SLC22A2: variants seen among roughly 807,000 people sequenced by gnomAD.
SLC22A2 encodes solute carrier family 22 member 2, also known as organic cation transporter 2.
A neutral mutation model predicts 60.5 loss-of-function variants in SLC22A2; 46 were observed. That is an observed-to-expected ratio of 0.76 (90% CI 0.60 to 0.97). The LOEUF (loss-of-function observed/expected upper bound fraction) is 0.97, where lower values mean the gene tolerates loss of function less well. Among genes scored for constraint, SLC22A2 ranks in the 50% least tolerant of loss-of-function variants. SLC22A2 has a pLI of 0.00. For synonymous variants in SLC22A2, 303 were observed against 267.0 expected (o/e 1.13, Z -1.31); for missense variants, 701 against 706.6 (o/e 0.99, Z 0.09).
At chr6:160,228,833 A>G (rs894590664) in intron 9 of SLC22A2, among the ~76,000 whole-genome samples, 2 of 151,540 alleles carry the variant, frequency 1.3e-5, no homozygotes, top group African/African-American at 2.4e-5. Context: ...AAGCTCCCCC[A>G]CTGAGCACCT....
In SLC22A2 at chr6:160,258,537, G is replaced by A. The variant is rs769783921; in HGVS notation, c.221C>T (p.Thr74Met). The change falls in exon 1 of 11, where the codon ACG becomes ATG. Residue 74 changes from threonine to methionine, a missense_variant. Transcript: ENST00000366953. ...GCCCGCAGGTCCTGGGCCCGGCACC[G>A]TGTAGTTCAGTTCCTCTGCAGGACT... ...GWSPAEELNY[T>M]VPGPGPAGEA... The A allele has an allele frequency of 7.4e-6, 12 of 1,613,980 alleles. 1 individual carries two copies. The highest frequency in any genetic ancestry group is 6.6e-5 in the South Asian group (6 of 91,064).
intron 10 of SLC22A2, among the ~76,000 whole-genome samples, chr6:160,224,396 T>C (rs1782690798): frequency 6.6e-6 from 1 of 152,150 alleles, no homozygotes; most frequent in Admixed American, 6.5e-5. Flanking sequence ...TATTTTTAGC[T>C]TATAGTAGTT....
intron 9 of SLC22A2, among the ~76,000 whole-genome samples, chr6:160,228,128 T>C (rs955997879): frequency 9.9e-5 from 15 of 152,212 alleles, no homozygotes; most frequent in Admixed American, 2.0e-4. Context: ...TTCACATTAT[T>C]CTATGGATTT....
intron 8 of SLC22A2, 36 bp downstream of exon 8, chr6:160,242,258 C>A: frequency 9.0e-7 from 1 of 1,108,380 alleles, no homozygotes; most frequent in Non-Finnish European, 1.4e-6. Context: ...ACAAATGTCT[C>A]ACCCACCCTC....
chr6:160,226,022 A>T (rs748977816), intron 9 of SLC22A2, among the ~76,000 whole-genome samples: 4 of 152,190 alleles, frequency 2.6e-5, no homozygotes, highest in Non-Finnish European at 5.9e-5. Context: ...ACAACATAAG[A>T]AATTATGGTT....
At chr6:160,223,386 A>G (rs564131907) in intron 10 of SLC22A2, among the ~76,000 whole-genome samples, 2 of 152,316 alleles carry the variant, frequency 1.3e-5, no homozygotes, top group East Asian at 3.9e-4. Flanking sequence ...CAGAGCTACA[A>G]GTATTTATAT....
chr6:160,256,010 C>T (rs1462095714), intron 2 of SLC22A2, among the ~76,000 whole-genome samples: 4 of 152,134 alleles, frequency 2.6e-5, no homozygotes, highest in African/African-American at 4.8e-5. Flanking sequence ...AGAGGCCTCT[C>T]GTCATCTCTC....
At chr6:160,229,605 C>A (rs556028077) in intron 9 of SLC22A2, among the ~76,000 whole-genome samples, 16 of 151,698 alleles carry the variant, frequency 1.1e-4, no homozygotes, top group African/African-American at 3.2e-4. Flanking sequence ...TCCTGGGGGG[C>A]AAGCACCTCC....
chr6:160,236,807 G>A (rs1782919252), intron 9 of SLC22A2, among the ~76,000 whole-genome samples: 1 of 149,958 alleles, frequency 6.7e-6, no homozygotes, highest in Non-Finnish European at 1.5e-5. Context: ...CAAGAGGAGA[G>A]GCATTTACTC....
intron 1 of SLC22A2, among the ~76,000 whole-genome samples, chr6:160,256,986 G>A (rs1012995517): frequency 1.4e-5 from 2 of 148,094 alleles, no homozygotes; most frequent in Non-Finnish European, 1.5e-5. Context: ...CTGCAGCCTC[G>A]ACCTCCTGGG....
At chr6:160,245,616 C>A in intron 5 of SLC22A2, 71 bp from the exon 6 acceptor site, 2 of 833,296 alleles carry the variant, frequency 2.4e-6, no homozygotes, top group East Asian at 3.1e-5. Context: ...TAGGGAATAA[C>A]AATAATTTCT....
chr6:160,246,443 G>A (rs563829592), intron 5 of SLC22A2, among the ~76,000 whole-genome samples: 2 of 152,264 alleles, frequency 1.3e-5, no homozygotes, highest in African/African-American at 4.8e-5. Context: ...TAAGAAGGCA[G>A]GGGATTGCTT....
At chr6:160,245,694 A>ATTTTT (rs11422120) in intron 5 of SLC22A2, 149 bp from the exon 6 acceptor site, 36 of 163,888 alleles carry the variant, frequency 2.2e-4, no homozygotes, top group South Asian at 4.2e-4. Context: ...GTCCCATTTC[A>ATTTTT]TTTTTTTTTT....
intron 8 of SLC22A2, 110 bp downstream of exon 8, chr6:160,242,184 C>T: frequency 1.3e-6 from 1 of 749,688 alleles, no homozygotes; most frequent in Non-Finnish European, 2.5e-6. Context: ...TCTCACCTTC[C>T]CTTACACTGT....
Position 160,258,324 on chromosome 6 carries a change from C to T in SLC22A2, c.414+20G>A, listed in dbSNP as rs763735554. The T allele has an allele frequency of 1.1e-5, 17 of 1,582,428 alleles. No homozygotes were observed. In the East Asian group the frequency reaches 1.3e-4, roughly 13 times the overall value. ...TCCACCATTTGCTTCTCCATCTGAGCCCTGAGCTCACTCTCTTACCTCGGT... is the reference window on the plus strand; with the variant it reads ...TCCACCATTTGCTTCTCCATCTGAGTCCTGAGCTCACTCTCTTACCTCGGT... On this transcript the variant is annotated intron_variant, in intron 1 of 10. Coordinates refer to ENST00000366953, the MANE Select transcript of SLC22A2 (RefSeq NM_003058.4).
chr6:160,256,678 A>T lies in SLC22A2; in HGVS notation c.454T>A (p.Phe152Ile). The T allele has an allele frequency of 6.2e-7, 1 of 1,614,188 alleles. No individual in the cohort carries two copies. The highest frequency in any genetic ancestry group is 1.6e-4 in the Middle Eastern group (1 of 6,062). The change falls in exon 2 of 11, where the codon TTC (phenylalanine) becomes ATC (isoleucine). Residue 152 changes from phenylalanine (F) to isoleucine (I), a missense_variant. Transcript: ENST00000366953. ...AATCCTACATTCACTGATGACTGGA[A>T]TAGGTCCAACATCCAGGAGTTGGCA... is the stretch of plus-strand genomic sequence containing the variant. ...VCANSWMLDL[F>I]QSSVNVGFFI...
Position 160,258,820 on chromosome 6 carries a change from G to A in SLC22A2, c.-63C>T. 6.8e-7 allele frequency: 1 copy of A among 1,463,500 alleles called. No individual in the cohort carries two copies. The highest frequency in any genetic ancestry group is 2.4e-5 in the East Asian group (1 of 42,366). The allele number at this position is 1,463,500 out of a possible 1,614,324, so 90.7% of individuals were successfully genotyped here. A position where few individuals can be genotyped will look rare whatever the true frequency, so the allele number is the denominator to read the frequency against. On this transcript the variant is annotated 5_prime_UTR_variant, in exon 1 of 11. Coordinates refer to ENST00000366953, the MANE Select transcript of SLC22A2 (RefSeq NM_003058.4). ...GCCCGGAGCGAGGCTGAGAGCGGCT[G>A]CAGCCAGCTCAGCACAAACCCTGGC...
chr6:160,245,496 A>C lies in SLC22A2; in HGVS notation c.1007T>G (p.Leu336Arg). Reference protein sequence around the residue: ...ETGKKLNPSFLDLVRTPQIRK... With the variant: ...ETGKKLNPSFRDLVRTPQIRK... Reference sequence around the variant, plus strand: ...TATCTGAGGAGTTCTGACCAAGTCAAGAAATGAAGGGTTCAATTTCTTGCC... The same window carrying C: ...TATCTGAGGAGTTCTGACCAAGTCACGAAATGAAGGGTTCAATTTCTTGCC... The change falls in exon 6 of 11, where the codon CTT (leucine) becomes CGT (arginine). Residue 336 changes from leucine (L) to arginine (R), a missense_variant. Physicochemically the swap from Leu to Arg is moderately radical, Grantham distance 102. Transcript: ENST00000366953. 1 of 1,611,372 alleles carries C rather than the reference A, an allele frequency of 6.2e-7. No individual in the cohort carries two copies.
chr6:160,245,536 G>C lies in SLC22A2; in HGVS notation c.967C>G (p.Leu323Val), dbSNP rs761733811. 3 of 1,607,896 alleles carry C rather than the reference G, an allele frequency of 1.9e-6. No homozygotes were observed. Among genetic ancestry groups the C allele is most frequent in the Non-Finnish European group, 2.6e-6 (3 of 1,175,704 alleles). ...AATTTCTTGCCAGTTTCCTCTTCAA[G>C]TCTCAGGCGCTAAGAAAAGGAATAG... ...SLPASLQRLR[L>V]EEETGKKLNP... Residue 323 changes from leucine (L) to valine (V), a missense_variant, in exon 6 of 11, where the codon CTT (leucine) becomes GTT (valine). Physicochemically the swap from Leu to Val is conservative, Grantham distance 32. Coordinates refer to ENST00000366953, the MANE Select transcript of SLC22A2 (RefSeq NM_003058.4).
Sources: allele counts gnomAD v4.1 joint callset (sites outside exome capture counted in the v4.1 genomes callset), GRCh38; gene constraint gnomAD v4.1.1; transcripts MANE v1.5; gene names NCBI Gene and HGNC (gene_info 2026-07-23, HGNC 2026-07-21).